The following TRA2B variants were observed in gnomAD, a reference collection of about 807,000 sequenced individuals.
TRA2B encodes transformer 2 beta homolog.
Under a neutral mutation model 41.7 loss-of-function variants are expected in TRA2B, and 14 were observed. That is an observed-to-expected ratio of 0.34 (90% CI 0.22 to 0.53). The LOEUF is 0.53. Ranked by LOEUF, TRA2B falls within the 20% of genes least tolerant of loss-of-function variation. The probability of loss-of-function intolerance (pLI) is 0.95; values close to 1 mark genes in which losing one functional copy is unlikely to be tolerated. For missense variants in TRA2B, 167 were observed against 396.8 expected, an observed-to-expected ratio of 0.42 and a Z score of 4.92; for synonymous variants, 130 against 128.8, an observed-to-expected ratio of 1.01 and a Z score of -0.06.
chr3:185,921,081 G>A, intron 6 of TRA2B, 23 bp downstream of exon 6: 1 of 1,604,222 alleles, frequency 6.2e-7, no homozygotes, highest in Non-Finnish European at 8.5e-7. Context: ...TTCAGACGTT[G>A]ACCTTTCTAC....
Position 185,925,399 on chromosome 3 carries a change from G to A in TRA2B, c.333+65C>T, listed in dbSNP as rs941060961. 3.2e-6 allele frequency: 5 copies of A among 1,568,692 alleles called. No homozygotes were observed. In the African/African-American group the frequency reaches 6.8e-5, roughly 21 times the overall value. ...TGCTAAAGCTCTATTGTCAAAATCA[G>A]CTCTAACTTTAAGAAAAAGTAAATT... is the stretch of plus-strand genomic sequence containing the variant. On this transcript the variant is annotated intron_variant, in intron 3 of 8. Coordinates refer to ENST00000453386, the MANE Select transcript of TRA2B (RefSeq NM_004593.3).
At position 185,921,128 on chromosome 3, in the gene TRA2B, C is replaced by T. The variant is rs780878381; in HGVS notation, c.698G>A (p.Arg233Gln). 4 of 1,613,900 alleles carry T rather than the reference C, an allele frequency of 2.5e-6. No homozygotes were observed. Among genetic ancestry groups the T allele is most frequent in the Admixed American group, 3.3e-5 (2 of 59,988 alleles). ...DRGYDRGYDDRDYYSRSYRGG... is the reference protein window; with the variant it reads ...DRGYDRGYDDQDYYSRSYRGG... ...CCTGTATGATCTGCTATAGTAGTCC[C>T]GATCATCATAGCCCCGATCATATCC... Residue 233 changes from arginine (R) to glutamine (Q), a missense_variant, in exon 6 of 9, where the codon CGG becomes CAG. Transcript: ENST00000453386.
chr3:185,935,242 G>A, intron 1 of TRA2B: 1 of 985,408 alleles, frequency 1.0e-6, no homozygotes, highest in Non-Finnish European at 1.2e-6. Context: ...ATCCGGAGAT[G>A]AAAACGAGAT....
chr3:185,926,698 C>T lies in TRA2B; in HGVS notation c.73G>A (p.Gly25Arg), dbSNP rs1743965969. The change falls in exon 2 of 9, where the codon GGA (glycine) becomes AGA (arginine). Residue 25 changes from glycine (G) to arginine (R), a missense_variant. Physicochemically the swap from Gly to Arg is moderately radical, Grantham distance 125. Around this residue, in one of 5 missense-constraint regions of TRA2B, gnomAD observed 94 missense variants for 133.4 expected, o/e 0.70. Coordinates refer to ENST00000453386, the MANE Select transcript of TRA2B (RefSeq NM_004593.3). Reference sequence around the variant, plus strand: ...GTATGCCTTGCAGATTTCCCCGATCCGTGAGCACTTCCACTTCTGGAAGCA... The same window carrying T: ...GTATGCCTTGCAGATTTCCCCGATCTGTGAGCACTTCCACTTCTGGAAGCA... ...RSASRSGSAH[G>R]SGKSARHTPA... is the part of the protein sequence containing the mutation. 1 of 1,614,126 alleles carries T rather than the reference C, an allele frequency of 6.2e-7. No homozygotes were observed. The highest frequency in any genetic ancestry group is 8.5e-7 in the Non-Finnish European group (1 of 1,180,006).
chr3:185,921,192 G>A lies in TRA2B; in HGVS notation c.639-5C>T, dbSNP rs1312930691. On this transcript the variant is annotated splice_polypyrimidine_tract_variant and splice_region_variant and intron_variant, in intron 5 of 8. Transcript: ENST00000453386. ...TCCCGACGGCGAGAGCTGCCACTAT[G>A]AAGAAAAAAATATTCAGGTGACCTC... 1 of 1,613,760 alleles carries A rather than the reference G, an allele frequency of 6.2e-7. No homozygotes were observed. The highest frequency in any genetic ancestry group is 8.5e-7 in the Non-Finnish European group (1 of 1,179,864).
At chr3:185,929,009 A>G (rs574914099) in intron 1 of TRA2B, 2 of 152,350 alleles carry the variant, frequency 1.3e-5, no homozygotes, top group South Asian at 4.1e-4. Flanking sequence ...ATATTTCTGA[A>G]ATCACAGGAG....
Position 185,917,202 on chromosome 3 carries a change from A to G in TRA2B, c.*513T>C, listed in dbSNP as rs929566767. The G allele has an allele frequency of 6.5e-5, 10 of 153,104 alleles. No homozygotes were observed. The highest frequency in any genetic ancestry group is 2.2e-4 in the African/African-American group (9 of 41,476). 9.5% of individuals were successfully genotyped at this position (153,104 alleles called of 1,614,324 possible). A position where few individuals can be genotyped will look rare whatever the true frequency, so the allele number is the denominator to read the frequency against. On this transcript the variant is annotated 3_prime_UTR_variant, in exon 9 of 9. Coordinates refer to ENST00000453386, the MANE Select transcript of TRA2B (RefSeq NM_004593.3). ...ACAGAGTTACAGAGCATAATTTTAA[A>G]CACTTAGTTGCAGGTATATAAGTAT...
At chr3:185,937,802 C>G (rs764721023) in intron 1 of TRA2B, 23 bp downstream of exon 1, 1 of 1,613,942 alleles carries the variant, frequency 6.2e-7, no homozygotes, top group Non-Finnish European at 8.5e-7. Flanking sequence ...CACACAGCCA[C>G]CCCCTACCGC....
At chr3:185,928,033 C>G (rs1181770835) in intron 1 of TRA2B, 1 of 152,202 alleles carries the variant, frequency 6.6e-6, no homozygotes, top group African/African-American at 2.4e-5. Context: ...GATAAAATCA[C>G]AAGAGATTTC....
At position 185,919,429 on chromosome 3, in the gene TRA2B, T is replaced by G. The variant is rs1055293873; in HGVS notation, c.782+8A>C. ...GTTGTACAGATGCTAAGTCCTCTCC[T>G]GGCATACCTATAAATCTGATCCCTG... On this transcript the variant is annotated splice_region_variant and intron_variant, in intron 7 of 8. Transcript: ENST00000453386. 1 of 1,612,320 alleles carries G rather than the reference T, an allele frequency of 6.2e-7. No homozygotes were observed. The highest frequency in any genetic ancestry group is 8.5e-7 in the Non-Finnish European group (1 of 1,179,176).
chr3:185,919,262 T>C (rs758990477), intron 7 of TRA2B, among the ~76,000 whole-genome samples, 175 bp downstream of exon 7: 7 of 152,218 alleles, frequency 4.6e-5, no homozygotes, highest in Non-Finnish European at 8.8e-5. Flanking sequence ...AACCAATTAA[T>C]TTTTATAAAT....
intron 1 of TRA2B, among the ~76,000 whole-genome samples, chr3:185,933,053 C>T (rs1019465228): frequency 3.3e-5 from 5 of 152,090 alleles, no homozygotes; most frequent in Non-Finnish European, 7.4e-5. Flanking sequence ...CAGTAATTGG[C>T]TTTCTTTAAA....
At chr3:185,928,874 A>C (rs925520002) in intron 1 of TRA2B, 3 of 152,224 alleles carry the variant, frequency 2.0e-5, no homozygotes, top group Non-Finnish European at 4.4e-5. Flanking sequence ...CTTTAACAGA[A>C]AAACCTTTAT....
intron 4 of TRA2B, chr3:185,923,481 G>A (rs1303716781): frequency 5.1e-6 from 1 of 194,504 alleles, no homozygotes; most frequent in Non-Finnish European, 1.0e-5. Flanking sequence ...TTTTCCTTCT[G>A]CATCATAACT....
chr3:185,923,715 C>T (rs1263332972), intron 4 of TRA2B, 81 bp downstream of exon 4: 16 of 1,361,906 alleles, frequency 1.2e-5, no homozygotes, highest in Non-Finnish European at 1.5e-5. Context: ...TTGTCCTTGT[C>T]CTTATCCTAG....
intron 1 of TRA2B, chr3:185,937,088 C>G (rs1744391136): frequency 1.0e-6 from 1 of 985,284 alleles, no homozygotes; most frequent in Non-Finnish European, 1.2e-6. Context: ...ACTTTGTGGT[C>G]TGTCCTAATA....
At chr3:185,921,313 C>T (rs1481708157) in intron 5 of TRA2B, 126 bp from the exon 6 acceptor site, 15 of 768,820 alleles carry the variant, frequency 2.0e-5, no homozygotes, top group Non-Finnish European at 3.3e-5. Flanking sequence ...AAATTCTCAC[C>T]TATATTGAGC....
chr3:185,934,807 T>A (rs1417263317), intron 1 of TRA2B: 1 of 985,360 alleles, frequency 1.0e-6, no homozygotes, highest in Non-Finnish European at 1.2e-6. Context: ...GGTGTCCAGA[T>A]GCTGCTATTC....
intron 1 of TRA2B, chr3:185,931,980 A>C (rs576287670): frequency 1.4e-4 from 91 of 648,192 alleles, no homozygotes; most frequent in Non-Finnish European, 2.0e-4. Flanking sequence ...AAGAAACTAG[A>C]ATATGCAGCT....
Sources: gnomAD v4.1 joint callset for allele counts (sites outside exome capture counted in the v4.1 genomes callset) on GRCh38, gnomAD v4.1.1 for gene constraint, gnomAD v4.1.1 regional missense constraint, MANE v1.5 for transcripts, NCBI Gene and HGNC (gene_info 2026-07-23, HGNC 2026-07-21) for gene names.